Variants in ACTR3 observed in about 807,000 individuals in gnomAD.
ACTR3 encodes the protein actin-related protein 3.
ACTR3 carries 12 observed loss-of-function variants against 56.8 expected under a neutral mutation model. The ratio of observed to expected loss-of-function variants is 0.21; its 90% CI spans 0.14 to 0.34. The LOEUF (loss-of-function observed/expected upper bound fraction) is 0.34. ACTR3 is among the 10% of genes least tolerant of loss of function. The pLI is 1.00. For synonymous variants in ACTR3, 162 were observed against 167.4 expected (o/e 0.97, Z 0.25); for missense variants, 282 against 512.5 (o/e 0.55, Z 4.34).
chr2:113,925,591 C>G (rs1277201241), intron 3 of ACTR3, among the ~76,000 whole-genome samples: 2 of 152,070 alleles, frequency 1.3e-5, no homozygotes, highest in Non-Finnish European at 2.9e-5. Flanking sequence ...TGTCTGTGTC[C>G]TTAGCATTTG....
At chr2:113,956,433 A>G (rs1237910449) in intron 11 of ACTR3, among the ~76,000 whole-genome samples, 2 of 147,740 alleles carry the variant, frequency 1.4e-5, no homozygotes, top group South Asian at 2.1e-4. Flanking sequence ...ATTTTATACT[A>G]TGTTTTAAAG....
intron 10 of ACTR3, chr2:113,953,705 A>AAAT (rs1277122516): frequency 6.6e-6 from 1 of 151,896 alleles, no homozygotes; most frequent in Non-Finnish European, 1.5e-5. Context: ...CACACACACT[A>AAAT]AATTGTAGAT....
chr2:113,955,417 A>C, intron 10 of ACTR3: 1 of 436,030 alleles, frequency 2.3e-6, no homozygotes, highest in Non-Finnish European at 4.1e-6. Flanking sequence ...CCTTCCATTT[A>C]TTCTGCTCTG....
At chr2:113,893,247 G>T (rs1392222668) in intron 1 of ACTR3, among the ~76,000 whole-genome samples, 1 of 150,236 alleles carries the variant, frequency 6.7e-6, no homozygotes, top group African/African-American at 2.5e-5. Flanking sequence ...TCTGGGCGGT[G>T]GAAGGGATCG....
chr2:113,903,924 T>C (rs754790897), intron 1 of ACTR3, among the ~76,000 whole-genome samples: 2 of 151,942 alleles, frequency 1.3e-5, no homozygotes, highest in Non-Finnish European at 2.9e-5. Context: ...TGGTTTGATC[T>C]CAGCTCACTG....
At chr2:113,912,665 A>G (rs1679329025) in intron 1 of ACTR3, among the ~76,000 whole-genome samples, 2 of 152,100 alleles carry the variant, frequency 1.3e-5, no homozygotes, top group African/African-American at 4.8e-5. Context: ...AAAATATTTC[A>G]TATGTTTTTA....
intron 1 of ACTR3, among the ~76,000 whole-genome samples, chr2:113,897,861 C>G (rs180809406): frequency 6.6e-6 from 1 of 152,254 alleles, no homozygotes; most frequent in Non-Finnish European, 1.5e-5. Flanking sequence ...TTCGGATACT[C>G]AACATGCCAT....
intron 3 of ACTR3, among the ~76,000 whole-genome samples, chr2:113,924,329 G>A (rs1679577632): frequency 6.6e-6 from 1 of 150,808 alleles, no homozygotes; most frequent in African/African-American, 2.4e-5. Context: ...CTCTCACCTT[G>A]GCCTCCCAAA....
chr2:113,901,390 C>G (rs746903458), intron 1 of ACTR3, among the ~76,000 whole-genome samples: 2 of 152,188 alleles, frequency 1.3e-5, no homozygotes, highest in Non-Finnish European at 2.9e-5. Context: ...ACCAAATTAC[C>G]TTTTTGGGCT....
At chr2:113,957,277 C>T in intron 11 of ACTR3, 83 bp from the exon 12 acceptor site, 3 of 927,874 alleles carry the variant, frequency 3.2e-6, no homozygotes, top group South Asian at 1.5e-5. Context: ...TATTTTAAAG[C>T]ATCACTCTTA....
intron 3 of ACTR3, among the ~76,000 whole-genome samples, chr2:113,920,355 G>A (rs1354415306): frequency 1.3e-5 from 2 of 152,138 alleles, no homozygotes; most frequent in Non-Finnish European, 2.9e-5. Flanking sequence ...CACTGTGCCA[G>A]GCTTTTAAAA....
At chr2:113,909,413 C>T (rs1679260632) in intron 1 of ACTR3, among the ~76,000 whole-genome samples, 1 of 152,036 alleles carries the variant, frequency 6.6e-6, no homozygotes, top group South Asian at 2.1e-4. Context: ...ATGAATGTTT[C>T]TTAAGGGAAT....
intron 3 of ACTR3, among the ~76,000 whole-genome samples, chr2:113,917,574 C>A (rs1050967778): frequency 7.9e-5 from 12 of 152,154 alleles, no homozygotes; most frequent in Non-Finnish European, 1.8e-4. Context: ...TTCACACAGT[C>A]ACTACTCCAT....
intron 1 of ACTR3, among the ~76,000 whole-genome samples, chr2:113,898,503 A>G (rs918245488): frequency 3.3e-5 from 5 of 152,168 alleles, no homozygotes; most frequent in African/African-American, 1.2e-4. Context: ...GAATAACATA[A>G]TGTATTTTAT....
At chr2:113,903,447 A>G (rs1036776919) in intron 1 of ACTR3, among the ~76,000 whole-genome samples, 2 of 151,614 alleles carry the variant, frequency 1.3e-5, no homozygotes, top group African/African-American at 2.4e-5. Flanking sequence ...GCCCACTGCA[A>G]CCTCTGTCTC....
At chr2:113,895,059 T>TCCCCTC (rs1678980595) in intron 1 of ACTR3, among the ~76,000 whole-genome samples, 1 of 111,372 alleles carries the variant, frequency 9.0e-6, no homozygotes, top group African/African-American at 3.4e-5. Flanking sequence ...TGGTTTAGGT[T>TCCCCTC]CCCCCCCCCC....
rs563667885 is a variant in ACTR3 at position 113,896,625 on chromosome 2, G to A, written c.44+6302G>A. On this transcript the variant is annotated intron_variant, in intron 1 of 11. Transcript: ENST00000263238. The stretch of plus-strand genomic sequence containing the variant: ...ATACAGGACCTTTGGGAATGAAGGT[G>A]GATATTTGGGAATCATAATTTGTTA... Among the ~76,000 whole-genome samples the A allele has an allele frequency of 5.3e-5, 8 of 152,310 alleles. No homozygotes were observed. The East Asian group carries it at 1.2e-3, about 22-fold the overall frequency.
chr2:113,895,069 C>A (rs1164056865), intron 1 of ACTR3, among the ~76,000 whole-genome samples: 15 of 101,420 alleles, frequency 1.5e-4, no homozygotes, highest in South Asian at 7.8e-4. Context: ...TCCCCCCCCC[C>A]ACCCCCCTGC....
chr2:113,902,159 G>A (rs1679111383), intron 1 of ACTR3, among the ~76,000 whole-genome samples: 1 of 152,096 alleles, frequency 6.6e-6, no homozygotes, highest in Admixed American at 6.5e-5. Flanking sequence ...TTCCTCAGAG[G>A]CAGTTACTGT....
Sources: allele counts gnomAD v4.1 joint callset (sites outside exome capture counted in the v4.1 genomes callset), GRCh38; gene constraint gnomAD v4.1.1; transcripts MANE v1.5; gene names NCBI Gene and HGNC (gene_info 2026-07-23, HGNC 2026-07-21).